ZFAT: variants seen among roughly 807,000 people sequenced by gnomAD.
The protein encoded by ZFAT is zinc finger and AT-hook domain containing.
In ZFAT, 64 loss-of-function variants were observed where a neutral mutation model predicts 117.7. The ratio of observed to expected loss-of-function variants is 0.54; its 90% CI spans 0.44 to 0.67. The LOEUF (loss-of-function observed/expected upper bound fraction) is 0.67. ZFAT is among the 30% of genes least tolerant of loss of function. The probability of loss-of-function intolerance (pLI) is 0.00; values close to 1 mark genes in which losing one functional copy is unlikely to be tolerated. For synonymous variants in ZFAT, 679 were observed against 615.0 expected, an observed-to-expected ratio of 1.10 and a Z score of -1.54; for missense variants, 1,433 against 1,584.5, an observed-to-expected ratio of 0.90 and a Z score of 1.62.
At chr8:134,710,776 T>C (rs765267881) in intron 1 of ZFAT, among the ~76,000 whole-genome samples, 9 of 152,218 alleles carry the variant, frequency 5.9e-5, no homozygotes, top group Middle Eastern at 3.2e-3. Context: ...AAGTGTACAA[T>C]GAACCATCAG....
chr8:134,506,137 T>C (rs1819389808), intron 15 of ZFAT, among the ~76,000 whole-genome samples: 4 of 152,266 alleles, frequency 2.6e-5, no homozygotes, highest in African/African-American at 9.6e-5. Flanking sequence ...CCTGTGCGGC[T>C]AGCTGTCTTC....
At chr8:134,626,900 G>A (rs1291176455) in intron 3 of ZFAT, among the ~76,000 whole-genome samples, 1 of 152,232 alleles carries the variant, frequency 6.6e-6, no homozygotes, top group African/African-American at 2.4e-5. Flanking sequence ...CTTTCACCAG[G>A]CAGATGTTTG....
chr8:134,651,702 G>A (rs1295034860), intron 2 of ZFAT, among the ~76,000 whole-genome samples: 1 of 152,148 alleles, frequency 6.6e-6, no homozygotes, highest in African/African-American at 2.4e-5. Flanking sequence ...GTCACAGAAA[G>A]ATAATGAAGC....
chr8:134,704,329 C>G (rs1043539559), intron 1 of ZFAT, among the ~76,000 whole-genome samples: 1 of 152,196 alleles, frequency 6.6e-6, no homozygotes, highest in African/African-American at 2.4e-5. Flanking sequence ...AGACCCAGGG[C>G]TGCACGTAGG....
At chr8:134,499,903 C>T (rs1818842130) in intron 15 of ZFAT, among the ~76,000 whole-genome samples, 2 of 152,134 alleles carry the variant, frequency 1.3e-5, no homozygotes, top group South Asian at 4.1e-4. Flanking sequence ...CAGCTGGGGA[C>T]ACCAGATGGA....
Position 134,525,619 on chromosome 8 carries a change from G to A in ZFAT, c.3116-4618C>T, listed in dbSNP as rs73709625. On this transcript the variant is annotated intron_variant, in intron 12 of 15. Coordinates refer to ENST00000377838, the MANE Select transcript of ZFAT (RefSeq NM_020863.4). Reference sequence around the variant, plus strand: ...AGACAGAGCAGTGTTCTATTATTGGGGTTTCTGTTCTATCAGCTGAGGTTG... The same window carrying A: ...AGACAGAGCAGTGTTCTATTATTGGAGTTTCTGTTCTATCAGCTGAGGTTG... Among the ~76,000 whole-genome samples, 1,473 of 152,228 alleles carry A rather than the reference G, an allele frequency of 9.7e-3. 12 individuals carry two copies. The highest frequency in any genetic ancestry group is 0.034 in the African/African-American group (1,392 of 41,530).
intron 1 of ZFAT, among the ~76,000 whole-genome samples, chr8:134,710,818 T>C (rs1250788268): frequency 1.3e-5 from 2 of 152,230 alleles, no homozygotes; most frequent in East Asian, 3.8e-4. Flanking sequence ...CAGCCACACA[T>C]ATGGGCAATC....
At chr8:134,786,576 A>G in the ZFAT span, among the ~76,000 whole-genome samples, 1 of 152,178 alleles carries the variant, frequency 6.6e-6, no homozygotes, top group African/African-American at 2.4e-5. Context: ...AAAAGATTTT[A>G]CAGTGTTAAA....
At chr8:134,673,856 T>C (rs550987112) in intron 1 of ZFAT, among the ~76,000 whole-genome samples, 8 of 152,332 alleles carry the variant, frequency 5.3e-5, no homozygotes, top group African/African-American at 1.9e-4. Flanking sequence ...CTCACGCCTA[T>C]AATCCCAGCA....
intron 3 of ZFAT, among the ~76,000 whole-genome samples, chr8:134,619,445 C>A (rs1420517294): frequency 2.6e-5 from 4 of 152,092 alleles, no homozygotes; most frequent in African/African-American, 4.8e-5. Flanking sequence ...TCTGATCTAA[C>A]AAACACATCT....
chr8:134,771,617 G>T, the ZFAT span, among the ~76,000 whole-genome samples: 1 of 152,152 alleles, frequency 6.6e-6, no homozygotes, highest in Admixed American at 6.5e-5. Context: ...TCTCTAAGAA[G>T]TTCCAAACTT....
At chr8:134,756,513 G>A in the ZFAT span, among the ~76,000 whole-genome samples, 15 of 152,316 alleles carry the variant, frequency 9.8e-5, no homozygotes, top group Admixed American at 6.5e-4. Context: ...CCTTCATTTA[G>A]AGTGAAACGC....
rs998928487 is a variant in ZFAT, at chr8:134,610,797, A to G, written c.449-142T>C. On this transcript the variant is annotated intron_variant, in intron 3 of 15. Coordinates refer to ENST00000377838, the MANE Select transcript of ZFAT (RefSeq NM_020863.4). ...GCCACGCAGACCACGGAATCACTGT[A>G]GGTACCACGGTGGCTCTTCACTGCT... 1.2e-5 allele frequency: 11 copies of G among 907,624 alleles called. No homozygotes were observed. In the African/African-American group the frequency reaches 1.3e-4, roughly 11 times the overall value. The allele number at this position is 907,624 out of a possible 1,614,324, so 56.2% of individuals were successfully genotyped here.
At chr8:134,683,766 T>C (rs1833182634) in intron 1 of ZFAT, among the ~76,000 whole-genome samples, 1 of 151,980 alleles carries the variant, frequency 6.6e-6, no homozygotes, top group Non-Finnish European at 1.5e-5. Context: ...AGGCCCATCC[T>C]GGAGGTCTGG....
chr8:134,605,277 T>G (rs1827797874), intron 5 of ZFAT, among the ~76,000 whole-genome samples: 4 of 152,252 alleles, frequency 2.6e-5, no homozygotes, highest in Admixed American at 2.6e-4. Context: ...CCAGGCGCAG[T>G]GGCTCACGCC....
intron 12 of ZFAT, among the ~76,000 whole-genome samples, chr8:134,532,144 CA>C (rs1356704600): frequency 3.3e-5 from 5 of 152,258 alleles, no homozygotes; most frequent in Admixed American, 2.6e-4. Context: ...AATAAAACAA[CA>C]AAAAACCCCA....
chr8:134,757,470 G>T, the ZFAT span, among the ~76,000 whole-genome samples: 1 of 152,140 alleles, frequency 6.6e-6, no homozygotes, highest in Non-Finnish European at 1.5e-5. Flanking sequence ...TGGGATTTTA[G>T]GGATGAACTA....
intron 11 of ZFAT, among the ~76,000 whole-genome samples, chr8:134,537,069 ATTACTGATTTCTCTAATTT>A (rs1229991015): frequency 1.3e-5 from 2 of 152,252 alleles, no homozygotes; most frequent in Admixed American, 6.5e-5. Flanking sequence ...CATGATAAAT[ATTACTGATTTCTCTAATTT>A]TTACTGATAG....
chr8:134,639,849 C>A, intron 2 of ZFAT: 1 of 450,180 alleles, frequency 2.2e-6, no homozygotes, highest in Non-Finnish European at 4.5e-6. Flanking sequence ...AGGTCTAAAC[C>A]CAGTGACAGA....
Sources: allele counts gnomAD v4.1 joint callset (sites outside exome capture counted in the v4.1 genomes callset), GRCh38; gene constraint gnomAD v4.1.1; transcripts MANE v1.5; gene names NCBI Gene and HGNC (gene_info 2026-07-23, HGNC 2026-07-21).